SUPT7L: variants seen among roughly 807,000 people sequenced by gnomAD.
SUPT7L encodes the protein SPT7 like, STAGA complex subunit gamma, also known as STAGA complex 65 subunit gamma.
Under a neutral mutation model 35.7 loss-of-function variants are expected in SUPT7L, and 15 were observed. The ratio of observed to expected loss-of-function variants is 0.42; its 90% confidence interval spans 0.28 to 0.65. The LOEUF is 0.65. Ranked by LOEUF, SUPT7L falls within the 30% of genes least tolerant of loss-of-function variation. The pLI, the probability that SUPT7L is intolerant of heterozygous loss-of-function variation, is 0.23. For missense variants in SUPT7L, 434 were observed against 522.2 expected, an observed-to-expected ratio of 0.83 and a Z score of 1.65; for synonymous variants, 168 against 186.2, an observed-to-expected ratio of 0.90 and a Z score of 0.79.
chr2:27,648,271 C>G (rs966754115), downstream of SUPT7L, among the ~76,000 whole-genome samples: 20 of 152,088 alleles, frequency 1.3e-4, no homozygotes, highest in Non-Finnish European at 1.5e-4. Context: ...TGTAATCCCA[C>G]TGCTTTGGGA....
In SUPT7L at chr2:27,653,382, T is replaced by A; in HGVS notation, c.*103A>T. 1 of 1,477,522 alleles carries A rather than the reference T, an allele frequency of 6.8e-7. No individual in the cohort carries two copies. The highest frequency in any genetic ancestry group is 9.0e-7 in the Non-Finnish European group (1 of 1,110,754). The allele number at this position is 1,477,522 out of a possible 1,614,324, so 91.5% of individuals were successfully genotyped here. A position where few individuals can be genotyped will look rare whatever the true frequency, so the allele number is the denominator to read the frequency against. ...GGAATTAGGAAAAACCACTTGTGTTTAAGAACAGGAGTCAAATCAATTTTT... is the reference window on the plus strand; with the variant it reads ...GGAATTAGGAAAAACCACTTGTGTTAAAGAACAGGAGTCAAATCAATTTTT... On this transcript the variant is annotated 3_prime_UTR_variant, in exon 6 of 6. Coordinates refer to ENST00000337768, the MANE Select transcript of SUPT7L (RefSeq NM_014860.3).
downstream of SUPT7L, among the ~76,000 whole-genome samples, chr2:27,647,328 A>G (rs1235690124): frequency 2.6e-5 from 4 of 152,148 alleles, no homozygotes; most frequent in Admixed American, 2.6e-4. Flanking sequence ...CTATTAGTGT[A>G]TTTGATTTTC....
chr2:27,647,095 C>A (rs1266071090), downstream of SUPT7L, among the ~76,000 whole-genome samples: 2 of 152,184 alleles, frequency 1.3e-5, no homozygotes, highest in Admixed American at 6.5e-5. Flanking sequence ...GTCAGCATGT[C>A]CTGTCATCCT....
rs549083037 is a variant in SUPT7L, at chr2:27,652,003, C to G, written c.*1482G>C. 71 of 152,208 alleles carry G rather than the reference C, an allele frequency of 4.7e-4. No homozygotes were observed. Among genetic ancestry groups the G allele is most frequent in the African/African-American group, 1.7e-3 (69 of 41,504 alleles). 9.4% of individuals were successfully genotyped at this position (152,208 alleles called of 1,614,324 possible). Reference sequence around the variant, plus strand: ...TCTCTACTAAAAATGCAAAAATTAGCTGGGTGTGGTGGCATGTGCGTGTAA... The same window carrying G: ...TCTCTACTAAAAATGCAAAAATTAGGTGGGTGTGGTGGCATGTGCGTGTAA... On this transcript the variant is annotated 3_prime_UTR_variant, in exon 6 of 6. Transcript: ENST00000337768.
the SUPT7L span, among the ~76,000 whole-genome samples, chr2:27,645,756 G>C: frequency 6.6e-6 from 1 of 151,522 alleles, no homozygotes; most frequent in Non-Finnish European, 1.5e-5. Flanking sequence ...TTGAGACAGG[G>C]TCTTGCTCTG....
At chr2:27,662,854 AC>A (rs1453506931) in intron 1 of SUPT7L, among the ~76,000 whole-genome samples, 8 of 151,706 alleles carry the variant, frequency 5.3e-5, no homozygotes, top group Non-Finnish European at 1.0e-4. Flanking sequence ...GTCATGGTTC[AC>A]TGCAGCCTCA....
At chr2:27,650,446 C>G (rs1317620998), downstream of SUPT7L, 1 of 290,330 alleles carries the variant, frequency 3.4e-6, no homozygotes, top group Non-Finnish European at 6.6e-6. Flanking sequence ...GAAGGATATA[C>G]TGAGCTGATA....
chr2:27,659,582 T>C (rs1425202325), intron 3 of SUPT7L, among the ~76,000 whole-genome samples: 1 of 152,208 alleles, frequency 6.6e-6, no homozygotes, highest in African/African-American at 2.4e-5. Context: ...TTTGTAAATA[T>C]ACTTACAAAA....
At position 27,651,339 on chromosome 2, in the gene SUPT7L, C is replaced by A. The variant is rs1244543344; in HGVS notation, c.*2146G>T. 6.6e-6 allele frequency: 1 copy of A among 152,250 alleles called. No individual in the cohort carries two copies. Among genetic ancestry groups the A allele is most frequent in the Admixed American group, 6.6e-5 (1 of 15,266 alleles). The allele number at this position is 152,250 out of a possible 1,614,324, so 9.4% of individuals were successfully genotyped here. ...GGGCTGAGCAGTCTGTTTTAGAAAG[C>A]CCTCCATGTGATTCTGATGCATAGT... On this transcript the variant is annotated 3_prime_UTR_variant, in exon 6 of 6. Coordinates refer to ENST00000337768, the MANE Select transcript of SUPT7L (RefSeq NM_014860.3).
chr2:27,655,043 A>G (rs976305603), intron 5 of SUPT7L, among the ~76,000 whole-genome samples: 7 of 152,206 alleles, frequency 4.6e-5, no homozygotes, highest in Admixed American at 1.3e-4. Context: ...TAAAATACTA[A>G]AGGAGGAAGG....
At chr2:27,654,723 C>A (rs1354486424) in intron 5 of SUPT7L, among the ~76,000 whole-genome samples, 1 of 152,124 alleles carries the variant, frequency 6.6e-6, no homozygotes, top group Non-Finnish European at 1.5e-5. Context: ...CCCACCACCA[C>A]GCCCAGCATA....
intron 4 of SUPT7L, among the ~76,000 whole-genome samples, chr2:27,656,392 T>C (rs1156641917): frequency 1.3e-5 from 2 of 152,126 alleles, no homozygotes; most frequent in African/African-American, 4.8e-5. Context: ...CCAGGCAATA[T>C]CATTTTACTC....
chr2:27,657,477 C>T lies in SUPT7L; in HGVS notation c.612G>A (p.Glu204=), dbSNP rs182265674. Residue 204 remains glutamate, a synonymous_variant, in exon 4 of 6, where the codon GAG becomes GAA. Transcript: ENST00000337768. This position sits in a 1 kb window ranked among gnomAD's most constrained non-coding sequence, Gnocchi z 5.2. ...TKLLRFAVDR[E]ARLGQTPFPD... Reference sequence around the variant, plus strand: ...GAAAAGGAGTCTGTCCCAGCCGGGCCTCCCGGTCCACAGCAAAACGCAGCA... The same window carrying T: ...GAAAAGGAGTCTGTCCCAGCCGGGCTTCCCGGTCCACAGCAAAACGCAGCA... 4.4e-5 allele frequency: 71 copies of T among 1,614,274 alleles called. No individual in the cohort carries two copies. The Admixed American group carries it at 4.5e-4, about 10-fold the overall frequency.
rs1674565785 is a variant in SUPT7L at position 27,651,754 on chromosome 2, TGTTTGCTGGATGAATGA to T, written c.*1714_*1730del. 6.6e-6 allele frequency: 1 copy of T among 152,238 alleles called. No individual in the cohort carries two copies. Among genetic ancestry groups the T allele is most frequent in the Non-Finnish European group, 1.5e-5 (1 of 68,048 alleles). The allele number at this position is 152,238 out of a possible 1,614,324, so 9.4% of individuals were successfully genotyped here. Reference sequence around the variant, plus strand: ...GACCTAGCAAATAATTGGTACTCAATGTTTGCTGGATGAATGAACTAAATTCCCATACGGCCACTTTA... The same window carrying T: ...GACCTAGCAAATAATTGGTACTCAATACTAAATTCCCATACGGCCACTTTA... On this transcript the variant is annotated 3_prime_UTR_variant, in exon 6 of 6. Coordinates refer to ENST00000337768, the MANE Select transcript of SUPT7L (RefSeq NM_014860.3).
the SUPT7L span, among the ~76,000 whole-genome samples, chr2:27,642,988 C>CACACACAT: frequency 2.1e-4 from 31 of 150,780 alleles, no homozygotes; most frequent in Admixed American, 8.0e-4. Flanking sequence ...CACACACACA[C>CACACACAT]ACACACATAC....
Position 27,653,621 on chromosome 2 carries a change from G to C in SUPT7L, c.1109C>G (p.Ser370Ter), listed in dbSNP as rs1443396924. 1 of 1,614,196 alleles carries C rather than the reference G, an allele frequency of 6.2e-7. No individual in the cohort carries two copies. The highest frequency in any genetic ancestry group is 8.5e-7 in the Non-Finnish European group (1 of 1,180,042). The change falls in exon 6 of 6, where the codon TCA (serine) becomes TGA (stop). Residue 370 changes from serine to a stop codon, truncating the protein, a stop_gained. Transcript: ENST00000337768. LOFTEE classifies it high-confidence loss of function. ...LGSDVFEEPM[S>*]GMSEAGIPQS... The stretch of plus-strand genomic sequence containing the variant: ...AGGAATCCCAGCTTCACTCATGCCT[G>C]ACATAGGCTCCTCGAAGACATCACT...
rs911833730 is a variant in SUPT7L, at chr2:27,652,603, A to C, written c.*882T>G. 2.6e-5 allele frequency: 4 copies of C among 152,762 alleles called. No homozygotes were observed. Among genetic ancestry groups the C allele is most frequent in the Non-Finnish European group, 4.4e-5 (3 of 68,036 alleles). The allele number at this position is 152,762 out of a possible 1,614,324, so 9.5% of individuals were successfully genotyped here. A position where few individuals can be genotyped will look rare whatever the true frequency, so the allele number is the denominator to read the frequency against. On this transcript the variant is annotated 3_prime_UTR_variant, in exon 6 of 6. Transcript: ENST00000337768. ...GTAAAGTTGAAAGGTGCATATTGCT[A>C]TGTTTTAAAGGCTGCCTTTACAGTA...
downstream of SUPT7L, chr2:27,648,059 C>A: frequency 1.5e-6 from 1 of 657,442 alleles, no homozygotes; most frequent in Non-Finnish European, 2.8e-6. Context: ...AAGGATACAG[C>A]ACCAGAAAAG....
At position 27,661,174 on chromosome 2, in the gene SUPT7L, G is replaced by A. The variant is rs1675085453; in HGVS notation, c.229C>T (p.Arg77Cys). 7.4e-6 allele frequency: 12 copies of A among 1,614,114 alleles called. No individual in the cohort carries two copies. Among genetic ancestry groups the A allele is most frequent in the South Asian group, 2.2e-5 (2 of 91,066 alleles). Residue 77 changes from arginine (R) to cysteine (C), a missense_variant, in exon 3 of 6, where the codon CGC becomes TGC. Physicochemically the swap from Arg to Cys is radical, Grantham distance 180. Transcript: ENST00000337768. ...GCCTGAGCTGTGGCAATAAGGTTGC[G>A]AAGACGTCGGTTGTGCTGAATCAAC... is the stretch of plus-strand genomic sequence containing the variant. The part of the protein sequence containing the change: ...IQLIQHNRRL[R>C]NLIATAQAQN...
Sources: allele counts gnomAD v4.1 joint callset (sites outside exome capture counted in the v4.1 genomes callset), GRCh38; gene constraint gnomAD v4.1.1; non-coding constraint Gnocchi (gnomAD v3.1); transcripts MANE v1.5; gene names NCBI Gene and HGNC (gene_info 2026-07-23, HGNC 2026-07-21).